Variants in DKK2 observed in about 807,000 individuals in gnomAD.
DKK2 encodes dickkopf Wnt signaling pathway inhibitor 2, also known as dickkopf-related protein 2.
In DKK2, 11 loss-of-function variants were observed where a neutral mutation model predicts 28.1. That is an observed-to-expected ratio of 0.39 (90% CI 0.25 to 0.65). The LOEUF is 0.65. Among genes scored for constraint, DKK2 ranks in the 30% least tolerant of loss-of-function variants. The pLI is 0.47. For synonymous variants in DKK2, 135 were observed against 126.5 expected (o/e 1.07, Z -0.45); for missense variants, 326 against 335.5 (o/e 0.97, Z 0.22).
At chr4:107,007,371 T>C (rs968413579) in intron 1 of DKK2, among the ~76,000 whole-genome samples, 10 of 152,214 alleles carry the variant, frequency 6.6e-5, no homozygotes, top group African/African-American at 2.2e-4. Flanking sequence ...TTTCTTCATA[T>C]GTATTGTATT....
At chr4:106,983,832 CAGATGACAAAATGCA>C (rs1723073419) in intron 1 of DKK2, among the ~76,000 whole-genome samples, 1 of 152,162 alleles carries the variant, frequency 6.6e-6, no homozygotes. Context: ...AGAAGATATA[CAGATGACAAAATGCA>C]CCTGAAAAGA....
At chr4:106,980,159 T>G (rs1019508570) in intron 1 of DKK2, among the ~76,000 whole-genome samples, 2 of 152,182 alleles carry the variant, frequency 1.3e-5, no homozygotes, top group African/African-American at 4.8e-5. Flanking sequence ...TTTATTATGT[T>G]TTGTTTCACT....
At chr4:106,938,723 G>C (rs954000636) in intron 1 of DKK2, among the ~76,000 whole-genome samples, 1 of 151,982 alleles carries the variant, frequency 6.6e-6, no homozygotes, top group African/African-American at 2.4e-5. Context: ...CAAAATACTG[G>C]CAAAACGAAT....
intron 1 of DKK2, among the ~76,000 whole-genome samples, chr4:107,022,807 G>A (rs554400897): frequency 6.6e-6 from 1 of 152,194 alleles, no homozygotes; most frequent in East Asian, 1.9e-4. Context: ...ATTAATATTA[G>A]GGAAGAAGTA....
intron 1 of DKK2, among the ~76,000 whole-genome samples, chr4:107,019,871 T>A (rs1259385187): frequency 6.6e-6 from 1 of 152,088 alleles, no homozygotes; most frequent in Non-Finnish European, 1.5e-5. Context: ...CATGGATTTG[T>A]CATGAATTAT....
At chr4:107,021,936 T>A (rs1204971339) in intron 1 of DKK2, among the ~76,000 whole-genome samples, 1 of 152,074 alleles carries the variant, frequency 6.6e-6, no homozygotes, top group Non-Finnish European at 1.5e-5. Context: ...TGTGAAGAAT[T>A]ACTAAAATCC....
At chr4:106,973,979 T>G (rs1040351289) in intron 1 of DKK2, among the ~76,000 whole-genome samples, 1 of 152,222 alleles carries the variant, frequency 6.6e-6, no homozygotes, top group Non-Finnish European at 1.5e-5. Flanking sequence ...CAACACCATT[T>G]ATTAAATAGG....
At chr4:106,957,035 T>G (rs924210377) in intron 1 of DKK2, among the ~76,000 whole-genome samples, 4 of 151,336 alleles carry the variant, frequency 2.6e-5, no homozygotes, top group African/African-American at 9.7e-5. Context: ...GAATCTACAA[T>G]GAACTCAAAC....
chr4:106,934,339 G>A (rs906854631), intron 1 of DKK2, among the ~76,000 whole-genome samples: 14 of 152,242 alleles, frequency 9.2e-5, no homozygotes, highest in African/African-American at 3.4e-4. Context: ...GCTAGTTTAT[G>A]CTTTATGGTT....
intron 1 of DKK2, among the ~76,000 whole-genome samples, chr4:107,018,682 A>C (rs1485372122): frequency 1.3e-5 from 2 of 152,098 alleles, no homozygotes; most frequent in Non-Finnish European, 2.9e-5. Context: ...AGAAGGGAAT[A>C]TCTCTCTTTC....
chr4:106,929,301 AC>A (rs1379461951), intron 1 of DKK2, among the ~76,000 whole-genome samples: 1 of 152,160 alleles, frequency 6.6e-6, no homozygotes, highest in African/African-American at 2.4e-5. Flanking sequence ...AGACTAGATA[AC>A]TTTTCCTTTT....
In DKK2 at chr4:106,981,747, T is replaced by C. The variant is rs1578366700; in HGVS notation, c.222+53623A>G. Among the ~76,000 whole-genome samples the C allele has an allele frequency of 2.0e-5, 3 of 152,282 alleles. No homozygotes were observed. The South Asian group carries it at 6.2e-4, about 32-fold the overall frequency. ...TTTTGGATGCTACTCAAGGGTGCTTTTCATGATCCTTCCAGAGAAAAGGAA... is the reference window on the plus strand; with the variant it reads ...TTTTGGATGCTACTCAAGGGTGCTTCTCATGATCCTTCCAGAGAAAAGGAA... On this transcript the variant is annotated intron_variant, in intron 1 of 3. Transcript: ENST00000285311.
At chr4:106,978,355 C>T (rs1170645357) in intron 1 of DKK2, among the ~76,000 whole-genome samples, 1 of 152,172 alleles carries the variant, frequency 6.6e-6, no homozygotes, top group African/African-American at 2.4e-5. Context: ...CCCCTTCCCC[C>T]AGGTGCTCTA....
chr4:106,979,525 T>A (rs1304419155), intron 1 of DKK2, among the ~76,000 whole-genome samples: 1 of 152,048 alleles, frequency 6.6e-6, no homozygotes, highest in Non-Finnish European at 1.5e-5. Flanking sequence ...TCTTGGATTT[T>A]AACTGCCGCT....
intron 1 of DKK2, among the ~76,000 whole-genome samples, chr4:106,960,769 G>A (rs1003793309): frequency 5.3e-5 from 8 of 152,030 alleles, no homozygotes; most frequent in African/African-American, 1.9e-4. Flanking sequence ...AAACTAGAGA[G>A]AATGTTTATA....
chr4:106,960,043 A>T lies in DKK2; in HGVS notation c.223-34094T>A, dbSNP rs145364004. On this transcript the variant is annotated intron_variant, in intron 1 of 3. Coordinates refer to ENST00000285311, the MANE Select transcript of DKK2 (RefSeq NM_014421.3). ...TCCTTTTTATTATATTTTTTATTGA[A>T]GCGTGATTCACAATTGCAAAGATAA... is the stretch of plus-strand genomic sequence containing the variant. 4.6e-3 allele frequency among the ~76,000 whole-genome samples: 691 copies of T among 151,642 alleles called. 5 individuals carry two copies. The highest frequency in any genetic ancestry group is 0.016 in the African/African-American group (655 of 41,392).
At chr4:106,987,155 C>A (rs560128538) in intron 1 of DKK2, among the ~76,000 whole-genome samples, 2 of 152,230 alleles carry the variant, frequency 1.3e-5, no homozygotes, top group South Asian at 4.2e-4. Context: ...ATAAAATGTT[C>A]TGTTTTAAAT....
rs1724771885 is a variant in DKK2 at position 106,946,102 on chromosome 4, CTATG to C, written c.223-20157_223-20154del. 8.5e-5 allele frequency among the ~76,000 whole-genome samples: 13 copies of C among 152,186 alleles called. No individual in the cohort carries two copies. The South Asian group carries it at 2.7e-3, about 32-fold the overall frequency. On this transcript the variant is annotated intron_variant, in intron 1 of 3. Coordinates refer to ENST00000285311, the MANE Select transcript of DKK2 (RefSeq NM_014421.3). The stretch of plus-strand genomic sequence containing the variant: ...TTCACAATTTGCTTAGGCACTTTAT[CTATG>C]TGTCATTTTACAAATGAATAAAGAC...
At chr4:106,964,867 C>G (rs1347784722) in intron 1 of DKK2, among the ~76,000 whole-genome samples, 1 of 151,830 alleles carries the variant, frequency 6.6e-6, no homozygotes, top group Non-Finnish European at 1.5e-5. Flanking sequence ...TTGTCAGTCC[C>G]ACAATCATGT....
Sources: allele counts gnomAD v4.1 joint callset (sites outside exome capture counted in the v4.1 genomes callset), GRCh38; gene constraint gnomAD v4.1.1; transcripts MANE v1.5; gene names NCBI Gene and HGNC (gene_info 2026-07-23, HGNC 2026-07-21).